ARFGEF3: variants seen among roughly 807,000 people sequenced by gnomAD.
The protein encoded by ARFGEF3 is brefeldin A-inhibited guanine nucleotide-exchange protein 3.
A neutral mutation model predicts 221.7 loss-of-function variants in ARFGEF3; 96 were observed. That is an observed-to-expected ratio of 0.43 (90% CI 0.37 to 0.51). The LOEUF (loss-of-function observed/expected upper bound fraction) is 0.51, where lower values mean the gene tolerates loss of function less well. Among genes scored for constraint, ARFGEF3 ranks in the 20% least tolerant of loss-of-function variants. The pLI is 0.00. For synonymous variants in ARFGEF3, 1,145 were observed against 1,126.8 expected, an observed-to-expected ratio of 1.02 and a Z score of -0.32; for missense variants, 2,410 against 2,789.9, an observed-to-expected ratio of 0.86 and a Z score of 3.07.
At chr6:138,325,226 C>T (rs1216086978) in intron 31 of ARFGEF3, among the ~76,000 whole-genome samples, 1 of 152,134 alleles carries the variant, frequency 6.6e-6, no homozygotes, top group African/African-American at 2.4e-5. Context: ...CTTTTCTCTA[C>T]CAGATCTGTT....
Position 138,176,520 on chromosome 6 carries a change from A to G in ARFGEF3, c.137+5807A>G, listed in dbSNP as rs377508919. ...TTAAATCCTTTATGACAATCTATAT[A>G]TTTTAAGTGGAGCATTTAATGCATT... On this transcript the variant is annotated intron_variant, in intron 2 of 33. Coordinates refer to ENST00000251691, the MANE Select transcript of ARFGEF3 (RefSeq NM_020340.5). Among the ~76,000 whole-genome samples, 3 of 152,160 alleles carry G rather than the reference A, an allele frequency of 2.0e-5. No homozygotes were observed. In the East Asian group the frequency reaches 5.8e-4, roughly 29 times the overall value.
chr6:138,308,713 A>C, intron 23 of ARFGEF3, 26 bp from the exon 24 acceptor site: 2 of 1,613,356 alleles, frequency 1.2e-6, no homozygotes. Flanking sequence ...TTACTTTCTT[A>C]CAATTCTATA....
chr6:138,202,904 C>CCA lies in ARFGEF3; in HGVS notation c.138-4121_138-4120dup, dbSNP rs140250634. Reference sequence around the variant, plus strand: ...CACACACACACACATGCACACACACCCACACACACACACACACATAGCTAC... The same window carrying CCA: ...CACACACACACACATGCACACACACCCACACACACACACACACACATAGCTAC... On this transcript the variant is annotated intron_variant, in intron 2 of 33. Coordinates refer to ENST00000251691, the MANE Select transcript of ARFGEF3 (RefSeq NM_020340.5). 1.2e-3 allele frequency among the ~76,000 whole-genome samples: 176 copies of CCA among 148,724 alleles called. 1 individual carries two copies. Among genetic ancestry groups the CCA allele is most frequent in the South Asian group, 2.1e-3 (10 of 4,668 alleles).
intron 22 of ARFGEF3, 78 bp downstream of exon 22, chr6:138,298,863 A>G (rs2281149): frequency 0.21 from 227,221 of 1,062,292 alleles, 26,962 homozygotes; most frequent in East Asian, 0.51. Flanking sequence ...TGAGCTTCGC[A>G]CACTTACTCT....
chr6:138,245,891 T>C (rs145786152), intron 8 of ARFGEF3, among the ~76,000 whole-genome samples: 1 of 152,086 alleles, frequency 6.6e-6, no homozygotes, highest in Admixed American at 6.5e-5. Flanking sequence ...CTGGGCTGAG[T>C]GCTGGTTGGT....
At chr6:138,322,597 C>G (rs1179609871) in intron 29 of ARFGEF3, among the ~76,000 whole-genome samples, 4 of 152,036 alleles carry the variant, frequency 2.6e-5, no homozygotes, top group Non-Finnish European at 5.9e-5. Context: ...GAGTTCGAGA[C>G]TAGCCTGGCC....
chr6:138,184,527 G>C (rs1296745610), intron 2 of ARFGEF3, among the ~76,000 whole-genome samples: 1 of 152,200 alleles, frequency 6.6e-6, no homozygotes, highest in Non-Finnish European at 1.5e-5. Flanking sequence ...CGGGAAGAAA[G>C]GGCAGATGAG....
Position 138,291,374 on chromosome 6 carries a change from A to T in ARFGEF3, c.3048-359A>T, listed in dbSNP as rs939195540. Among the ~76,000 whole-genome samples, 1 of 152,124 alleles carries T rather than the reference A, an allele frequency of 6.6e-6. No individual in the cohort carries two copies. The highest frequency in any genetic ancestry group is 2.4e-5 in the African/African-American group (1 of 41,426). On this transcript the variant is annotated intron_variant, in intron 18 of 33. Transcript: ENST00000251691. The surrounding 1 kb of genome is among the most constrained non-coding windows in gnomAD (Gnocchi z 4.5). Reference sequence around the variant, plus strand: ...ATCAGAGCACTATATGGAGGGAAAGAGGGTGCCTGGGGAAAAATGGCTCAA... The same window carrying T: ...ATCAGAGCACTATATGGAGGGAAAGTGGGTGCCTGGGGAAAAATGGCTCAA...
chr6:138,296,511 G>A (rs1024530307), intron 20 of ARFGEF3, among the ~76,000 whole-genome samples: 1 of 152,078 alleles, frequency 6.6e-6, no homozygotes, highest in African/African-American at 2.4e-5. Context: ...AATCCAGACG[G>A]TCGGACTTCT....
At chr6:138,205,948 C>G (rs750447091) in intron 2 of ARFGEF3, among the ~76,000 whole-genome samples, 2 of 152,220 alleles carry the variant, frequency 1.3e-5, no homozygotes, top group African/African-American at 4.8e-5. Context: ...AGGGAGAAAT[C>G]AGAGCTATAA....
chr6:138,258,590 T>G (rs1778729613), intron 10 of ARFGEF3, among the ~76,000 whole-genome samples: 1 of 152,224 alleles, frequency 6.6e-6, no homozygotes, highest in Admixed American at 6.5e-5. Context: ...TAACAATTGA[T>G]TATACGTCCC....
Position 138,207,104 on chromosome 6 carries a change from A to G in ARFGEF3, c.200A>G (p.His67Arg). ...TCCAAGAATGTGAAGCTGGCCCAAC[A>G]TGCTTTGGCAGGGATGCAGGTATGG... ...LESKNVKLAQHALAGMQKLLS... is the reference protein window; with the variant it reads ...LESKNVKLAQRALAGMQKLLS... Residue 67 changes from histidine to arginine, a missense_variant, in exon 3 of 34, where the codon CAT becomes CGT. By Grantham distance (29) the His-to-Arg change is conservative. Transcript: ENST00000251691. The G allele has an allele frequency of 6.2e-7, 1 of 1,611,134 alleles. No individual in the cohort carries two copies. Among genetic ancestry groups the G allele is most frequent in the South Asian group, 1.1e-5 (1 of 89,924 alleles).
In ARFGEF3 at chr6:138,209,908, A is replaced by G. The variant is rs1379766912; in HGVS notation, c.220-2A>G. On this transcript the variant is annotated splice_acceptor_variant, in intron 3 of 33. Transcript: ENST00000251691. LOFTEE classifies it high-confidence loss of function. ...TGATCACTGCCTTGTGCCTCTTTACAGAAGCTTCTGTCGGAAGAGAGGTTT... is the reference window on the plus strand; with the variant it reads ...TGATCACTGCCTTGTGCCTCTTTACGGAAGCTTCTGTCGGAAGAGAGGTTT... 6 of 1,613,378 alleles carry G rather than the reference A, an allele frequency of 3.7e-6. No individual in the cohort carries two copies. Among genetic ancestry groups the G allele is most frequent in the Non-Finnish European group, 3.4e-6 (4 of 1,179,586 alleles).
intron 24 of ARFGEF3, among the ~76,000 whole-genome samples, chr6:138,310,972 G>A (rs1345664938): frequency 6.6e-6 from 1 of 152,194 alleles, no homozygotes; most frequent in Non-Finnish European, 1.5e-5. Flanking sequence ...CTTCATTCCA[G>A]CCCAATCCAG....
intron 5 of ARFGEF3, 33 bp from the exon 6 acceptor site, chr6:138,238,476 G>A: frequency 6.2e-7 from 1 of 1,604,574 alleles, no homozygotes; most frequent in East Asian, 2.2e-5. Flanking sequence ...GATACCTGCA[G>A]ACATGTGTGT....
intron 5 of ARFGEF3, among the ~76,000 whole-genome samples, chr6:138,237,088 T>C (rs1356020402): frequency 2.6e-5 from 4 of 151,520 alleles, no homozygotes; most frequent in African/African-American, 7.3e-5. Context: ...TTAAAAAAAA[T>C]TATGTTCACC....
chr6:138,315,197 A>G (rs1779901494), intron 26 of ARFGEF3, among the ~76,000 whole-genome samples: 1 of 152,250 alleles, frequency 6.6e-6, no homozygotes, highest in African/African-American at 2.4e-5. Flanking sequence ...GAGAGACTCT[A>G]TTTGTGACTG....
chr6:138,174,469 TAAAAAAAAAAAAAAAAAAA>T (rs35236693), intron 2 of ARFGEF3, among the ~76,000 whole-genome samples: 9 of 25,302 alleles, frequency 3.6e-4, no homozygotes, highest in East Asian at 1.7e-3. Flanking sequence ...GAGCATCTGC[TAAAAAAAAAAAAAAAAAAA>T]AAAAAAAAAA....
At chr6:138,197,648 C>A (rs1211453968) in intron 2 of ARFGEF3, among the ~76,000 whole-genome samples, 1 of 152,112 alleles carries the variant, frequency 6.6e-6, no homozygotes, top group Non-Finnish European at 1.5e-5. Context: ...CTTATGGGAC[C>A]ACCGTGGTCC....
Sources: allele counts gnomAD v4.1 joint callset (sites outside exome capture counted in the v4.1 genomes callset), GRCh38; gene constraint gnomAD v4.1.1; non-coding constraint Gnocchi (gnomAD v3.1); transcripts MANE v1.5; gene names NCBI Gene and HGNC (gene_info 2026-07-23, HGNC 2026-07-21).